GRM8: variants seen among roughly 807,000 people sequenced by gnomAD.
GRM8 encodes glutamate metabotropic receptor 8, also known as metabotropic glutamate receptor 8.
GRM8 carries 47 observed loss-of-function variants against 87.2 expected under a neutral mutation model. The ratio of observed to expected loss-of-function variants is 0.54; its 90% CI spans 0.43 to 0.69. The LOEUF (loss-of-function observed/expected upper bound fraction) is 0.69. Ranked by LOEUF, GRM8 falls within the 30% of genes least tolerant of loss-of-function variation. The pLI is 0.00. For missense variants in GRM8, 1,019 were observed against 1,139.2 expected (o/e 0.89, Z 1.52); for synonymous variants, 396 against 404.5 (o/e 0.98, Z 0.25).
intron 9 of GRM8, among the ~76,000 whole-genome samples, chr7:126,498,094 G>A (rs77173565): frequency 0.013 from 1,910 of 152,030 alleles, 20 homozygotes; most frequent in Non-Finnish European, 0.021. Context: ...AAGTCTCCAA[G>A]GGTTAGATAA....
At chr7:127,094,220 C>T (rs1286825113) in intron 3 of GRM8, among the ~76,000 whole-genome samples, 1 of 152,120 alleles carries the variant, frequency 6.6e-6, no homozygotes, top group Non-Finnish European at 1.5e-5. Context: ...TTTCCAAACA[C>T]AATGGCTTTA....
In GRM8 at chr7:126,471,512, G is replaced by A. The variant is rs1432797816; in HGVS notation, c.2431-25140C>T. On this transcript the variant is annotated intron_variant, in intron 9 of 10. Coordinates refer to ENST00000339582, the MANE Select transcript of GRM8 (RefSeq NM_000845.3). Reference sequence around the variant, plus strand: ...GATCAGATAGTTGTAGATATGCGGCGTTATTTCTGAGGGCTCTGTTCTCTT... The same window carrying A: ...GATCAGATAGTTGTAGATATGCGGCATTATTTCTGAGGGCTCTGTTCTCTT... Among the ~76,000 whole-genome samples, 27 of 151,966 alleles carry A rather than the reference G, an allele frequency of 1.8e-4. 1 individual carries two copies. Among genetic ancestry groups the A allele is most frequent in the South Asian group, 1.7e-3 (8 of 4,806 alleles).
intron 8 of GRM8, among the ~76,000 whole-genome samples, chr7:126,555,233 T>C (rs1176135193): frequency 1.3e-5 from 2 of 152,236 alleles, no homozygotes; most frequent in African/African-American, 2.4e-5. Flanking sequence ...GTCGATCCCA[T>C]GACACGGTAC....
intron 2 of GRM8, among the ~76,000 whole-genome samples, chr7:127,117,929 G>T (rs933523568): frequency 1.3e-5 from 2 of 152,234 alleles, no homozygotes; most frequent in South Asian, 4.1e-4. Context: ...CATTCTGCCA[G>T]CCAATAGTAC....
chr7:127,236,073 T>C (rs1797966154), intron 2 of GRM8, among the ~76,000 whole-genome samples: 1 of 152,254 alleles, frequency 6.6e-6, no homozygotes, highest in Non-Finnish European at 1.5e-5. Context: ...GGGCATAATG[T>C]GATGGTTTAT....
chr7:126,549,374 G>T (rs1449439753), intron 8 of GRM8, among the ~76,000 whole-genome samples: 3 of 151,916 alleles, frequency 2.0e-5, no homozygotes, highest in Non-Finnish European at 2.9e-5. Flanking sequence ...TTAAAGAAAA[G>T]CCCAATAAAA....
chr7:126,714,278 A>AAATAATAATAATAAT (rs143180604), intron 7 of GRM8, among the ~76,000 whole-genome samples: 1 of 137,060 alleles, frequency 7.3e-6, no homozygotes, highest in Non-Finnish European at 1.5e-5. Context: ...ACTCCATCTC[A>AAATAATAATAATAAT]AATAATAATA....
chr7:127,122,208 C>A (rs1827128728), intron 2 of GRM8, among the ~76,000 whole-genome samples: 1 of 152,272 alleles, frequency 6.6e-6, no homozygotes, highest in South Asian at 2.1e-4. Context: ...GACAGTAAAA[C>A]AACTCAGGAT....
At chr7:127,052,340 C>A (rs1325674794) in intron 3 of GRM8, among the ~76,000 whole-genome samples, 1 of 152,204 alleles carries the variant, frequency 6.6e-6, no homozygotes, top group African/African-American at 2.4e-5. Context: ...CCCCTCTATG[C>A]ATAGGCAACA....
intron 8 of GRM8, among the ~76,000 whole-genome samples, chr7:126,572,801 C>T (rs756427163): frequency 1.3e-5 from 2 of 152,060 alleles, no homozygotes; most frequent in East Asian, 3.9e-4. Context: ...AGGGTAGTTT[C>T]ATGGTAAACT....
intron 6 of GRM8, among the ~76,000 whole-genome samples, chr7:126,860,281 G>A (rs188933420): frequency 1.3e-5 from 2 of 152,152 alleles, no homozygotes; most frequent in African/African-American, 4.8e-5. Flanking sequence ...TTCGTCTTCT[G>A]TTGCTCTTCC....
At chr7:126,700,172 T>G (rs1162842999) in intron 7 of GRM8, among the ~76,000 whole-genome samples, 1 of 152,118 alleles carries the variant, frequency 6.6e-6, no homozygotes, top group Non-Finnish European at 1.5e-5. Flanking sequence ...ATGTCTAAGA[T>G]TGGTATAGAA....
At chr7:126,790,297 C>CA (rs1821145061) in intron 6 of GRM8, among the ~76,000 whole-genome samples, 1 of 152,176 alleles carries the variant, frequency 6.6e-6, no homozygotes, top group Admixed American at 6.5e-5. Flanking sequence ...CATGAGCCAC[C>CA]ACAAGTGGCC....
Position 126,879,836 on chromosome 7 carries a change from C to T in GRM8, c.1156+22706G>A, listed in dbSNP as rs896904277. Among the ~76,000 whole-genome samples, 3 of 152,156 alleles carry T rather than the reference C, an allele frequency of 2.0e-5. No homozygotes were observed. In the East Asian group the frequency reaches 5.8e-4, roughly 29 times the overall value. On this transcript the variant is annotated intron_variant, in intron 6 of 10. Coordinates refer to ENST00000339582, the MANE Select transcript of GRM8 (RefSeq NM_000845.3). ...GTTTCACATCCAACTTGGAGCATTG[C>T]ATATTTGTGTAGACATATAAGGTTA...
chr7:127,219,055 T>C (rs1796752427), intron 2 of GRM8, among the ~76,000 whole-genome samples: 2 of 152,242 alleles, frequency 1.3e-5, no homozygotes, highest in Admixed American at 6.5e-5. Flanking sequence ...AGAACTGCAA[T>C]GTGTTTGCCA....
intron 3 of GRM8, among the ~76,000 whole-genome samples, chr7:126,908,394 G>T (rs2131270879): frequency 6.6e-6 from 1 of 152,242 alleles, no homozygotes; most frequent in East Asian, 1.9e-4. Context: ...CTCCGTGAGT[G>T]GAAACATTAG....
intron 7 of GRM8, among the ~76,000 whole-genome samples, chr7:126,660,592 T>C (rs1048465982): frequency 6.6e-6 from 1 of 152,228 alleles, no homozygotes; most frequent in Admixed American, 6.5e-5. Flanking sequence ...ACACTTTTTA[T>C]TGAAGTCTAC....
At chr7:126,451,797 A>T (rs1802644169) in intron 9 of GRM8, among the ~76,000 whole-genome samples, 2 of 151,716 alleles carry the variant, frequency 1.3e-5, no homozygotes, top group African/African-American at 4.8e-5. Context: ...ACTGCCTTCA[A>T]GTCTTTACTG....
intron 9 of GRM8, among the ~76,000 whole-genome samples, chr7:126,458,294 T>C (rs1803490092): frequency 6.6e-6 from 1 of 151,146 alleles, no homozygotes; most frequent in African/African-American, 2.4e-5. Flanking sequence ...AATTGTATTC[T>C]CAAAAGAGAA....
Sources: allele counts gnomAD v4.1 joint callset (sites outside exome capture counted in the v4.1 genomes callset), GRCh38; gene constraint gnomAD v4.1.1; transcripts MANE v1.5; gene names NCBI Gene and HGNC (gene_info 2026-07-23, HGNC 2026-07-21).